HOMER1: variants seen among roughly 807,000 people sequenced by gnomAD.
HOMER1 encodes homer protein homolog 1.
In HOMER1, 3 loss-of-function variants were observed where a neutral mutation model predicts 48.9. That is an observed-to-expected ratio of 0.06 (90% confidence interval 0.03 to 0.16). The LOEUF (loss-of-function observed/expected upper bound fraction) is 0.16, where lower values mean the gene tolerates loss of function less well. HOMER1 is among the 10% of genes least tolerant of loss of function. The pLI, the probability that HOMER1 is intolerant of heterozygous loss-of-function variation, is 1.00. For missense variants in HOMER1, 247 were observed against 411.4 expected (o/e 0.60, Z 3.46); for synonymous variants, 134 against 146.4 (o/e 0.92, Z 0.61).
In HOMER1 at chr5:79,513,147, G is replaced by A. The variant is rs1035357559; in HGVS notation, c.-373C>T. Reference sequence around the variant, plus strand: ...TCACTCATGTCCTCCTCGACACTCAGGGAGAGCCAGGTAACTCGGCCTTTT... The same window carrying A: ...TCACTCATGTCCTCCTCGACACTCAAGGAGAGCCAGGTAACTCGGCCTTTT... On this transcript the variant is annotated 5_prime_UTR_variant, in exon 1 of 9. Coordinates refer to ENST00000334082, the MANE Select transcript of HOMER1 (RefSeq NM_004272.5). The A allele has an allele frequency of 1.8e-5, 4 of 221,896 alleles. No homozygotes were observed. The highest frequency in any genetic ancestry group is 3.5e-5 in the Non-Finnish European group (4 of 113,062). The allele number at this position is 221,896 out of a possible 1,614,324, so 13.7% of individuals were successfully genotyped here. A position where few individuals can be genotyped will look rare whatever the true frequency, so the allele number is the denominator to read the frequency against.
At chr5:79,506,323 A>G (rs1438234159) in intron 1 of HOMER1, among the ~76,000 whole-genome samples, 1 of 152,188 alleles carries the variant, frequency 6.6e-6, no homozygotes, top group Non-Finnish European at 1.5e-5. Context: ...TACTGCTTAA[A>G]ACAAACAGCA....
At chr5:79,477,475 G>T (rs963717945) in intron 1 of HOMER1, among the ~76,000 whole-genome samples, 2 of 152,156 alleles carry the variant, frequency 1.3e-5, no homozygotes, top group African/African-American at 4.8e-5. Flanking sequence ...TATCCCTTCT[G>T]TTGGCTGGAT....
chr5:79,401,829 C>T (rs894696352), intron 6 of HOMER1, 70 bp downstream of exon 6: 4 of 1,450,402 alleles, frequency 2.8e-6, no homozygotes, highest in Middle Eastern at 1.8e-4. Flanking sequence ...GCTGAATCTA[C>T]ATGCAAATTT....
chr5:79,444,022 CAA>C (rs1289043165), intron 4 of HOMER1, among the ~76,000 whole-genome samples: 2 of 152,164 alleles, frequency 1.3e-5, no homozygotes, highest in Non-Finnish European at 2.9e-5. Context: ...CAAATAAAAA[CAA>C]AAGCTTTGAC....
chr5:79,389,133 A>G (rs552792428), intron 8 of HOMER1, among the ~76,000 whole-genome samples: 2 of 152,298 alleles, frequency 1.3e-5, no homozygotes, highest in South Asian at 4.1e-4. Context: ...GACTGGAATC[A>G]GATTTCTCAA....
intron 6 of HOMER1, chr5:79,397,978 G>C (rs930067805): frequency 6.3e-6 from 1 of 159,658 alleles, no homozygotes; most frequent in African/African-American, 2.4e-5. Flanking sequence ...TCCTTCATCT[G>C]TAGCCTTCAA....
At chr5:79,415,578 G>T (rs1352400218) in intron 5 of HOMER1, among the ~76,000 whole-genome samples, 1 of 152,136 alleles carries the variant, frequency 6.6e-6, no homozygotes, top group Non-Finnish European at 1.5e-5. Context: ...TAAAAGAGTT[G>T]TCATAGTCAT....
intron 5 of HOMER1, among the ~76,000 whole-genome samples, chr5:79,411,850 G>A (rs1237287510): frequency 7.9e-5 from 12 of 152,196 alleles, no homozygotes; most frequent in Non-Finnish European, 1.6e-4. Flanking sequence ...TGGGTGGAGT[G>A]GCTCATGCCT....
chr5:79,393,261 A>T (rs1318852033), intron 8 of HOMER1, among the ~76,000 whole-genome samples: 1 of 152,218 alleles, frequency 6.6e-6, no homozygotes, highest in East Asian at 1.9e-4. Context: ...CTAAAAGGAA[A>T]ATAAAAAATG....
At chr5:79,448,976 TAA>T (rs201455923) in intron 3 of HOMER1, among the ~76,000 whole-genome samples, 2 of 142,502 alleles carry the variant, frequency 1.4e-5, no homozygotes, top group African/African-American at 5.1e-5. Context: ...GAAAAAAAAT[TAA>T]AAAAAAAAAG....
chr5:79,446,857 T>C (rs1750899552), intron 4 of HOMER1, among the ~76,000 whole-genome samples, 196 bp downstream of exon 4: 1 of 149,328 alleles, frequency 6.7e-6, no homozygotes, highest in African/African-American at 2.5e-5. Flanking sequence ...TCTCCCTATG[T>C]TGCTCAGGCT....
intron 1 of HOMER1, among the ~76,000 whole-genome samples, chr5:79,459,661 T>A (rs1409748442): frequency 1.3e-5 from 2 of 152,248 alleles, no homozygotes; most frequent in East Asian, 3.8e-4. Flanking sequence ...ATCTATTATA[T>A]GCCAAGATGT....
chr5:79,411,016 C>T lies in HOMER1; in HGVS notation c.528-8961G>A, dbSNP rs368317598. On this transcript the variant is annotated intron_variant, in intron 5 of 8. Coordinates refer to ENST00000334082, the MANE Select transcript of HOMER1 (RefSeq NM_004272.5). ...ACACCATTATGATCTCACGTCTCAA[C>T]GCTGGAGTAAGGGCAAACCAATTCT... Among the ~76,000 whole-genome samples, 23 of 152,284 alleles carry T rather than the reference C, an allele frequency of 1.5e-4. 1 individual carries two copies. The East Asian group carries it at 1.9e-3, about 13-fold the overall frequency.
At chr5:79,385,139 T>C (rs1464928538) in intron 8 of HOMER1, among the ~76,000 whole-genome samples, 2 of 152,000 alleles carry the variant, frequency 1.3e-5, no homozygotes, top group Non-Finnish European at 2.9e-5. Context: ...ATGTAATACC[T>C]AAAACTATAA....
intron 1 of HOMER1, among the ~76,000 whole-genome samples, chr5:79,464,152 G>C (rs1751390929): frequency 6.6e-6 from 1 of 151,878 alleles, no homozygotes; most frequent in South Asian, 2.1e-4. Context: ...AATGCTTTAG[G>C]GGCCATTTTT....
At position 79,376,184 on chromosome 5, in the gene HOMER1, C is replaced by T. The variant is rs758186937; in HGVS notation, c.890G>A (p.Arg297Gln). ...LTQKLQEVEI[R>Q]NKDLEGQLSD... ...CAGTTGTCCCTCCAGGTCTTTGTTC[C>T]GAATTTCTACTTCCTTCAGAAACAA... Residue 297 changes from arginine (R) to glutamine (Q), a missense_variant, in exon 9 of 9, where the codon CGG (arginine) becomes CAG (glutamine). This residue lies in a region of HOMER1 where 113 missense variants were observed against 152.5 expected (regional missense o/e 0.74). Coordinates refer to ENST00000334082, the MANE Select transcript of HOMER1 (RefSeq NM_004272.5). 12 of 1,609,612 alleles carry T rather than the reference C, an allele frequency of 7.5e-6. No individual in the cohort carries two copies. Among genetic ancestry groups the T allele is most frequent in the African/African-American group, 1.3e-5 (1 of 74,590 alleles).
chr5:79,377,482 C>A (rs927308897), intron 8 of HOMER1, among the ~76,000 whole-genome samples: 2 of 152,186 alleles, frequency 1.3e-5, no homozygotes, highest in African/African-American at 4.8e-5. Flanking sequence ...CTCACTTTTA[C>A]ATTTGAGAGA....
intron 1 of HOMER1, among the ~76,000 whole-genome samples, chr5:79,470,282 T>G (rs1399479586): frequency 6.6e-6 from 1 of 152,116 alleles, no homozygotes; most frequent in East Asian, 1.9e-4. Context: ...TGAATGAAAA[T>G]GTACAATATC....
intron 4 of HOMER1, among the ~76,000 whole-genome samples, chr5:79,446,461 C>T (rs1197012069): frequency 6.6e-6 from 1 of 152,118 alleles, no homozygotes; most frequent in Non-Finnish European, 1.5e-5. Context: ...CCTATGACTC[C>T]CCTTGTGGTT....
Sources: gnomAD v4.1 joint callset for allele counts (sites outside exome capture counted in the v4.1 genomes callset) on GRCh38, gnomAD v4.1.1 for gene constraint, gnomAD v4.1.1 regional missense constraint, MANE v1.5 for transcripts, NCBI Gene and HGNC (gene_info 2026-07-23, HGNC 2026-07-21) for gene names.